The following PARN variants were observed in gnomAD, a reference collection of about 807,000 sequenced individuals.
PARN encodes poly(A)-specific ribonuclease.
In PARN, 71 loss-of-function variants were observed where a neutral mutation model predicts 102.8. The observed-to-expected ratio is 0.69, with a 90% CI of 0.57 to 0.84. PARN has a LOEUF of 0.84. Ranked by LOEUF, PARN falls within the 40% of genes least tolerant of loss-of-function variation. The pLI, the probability that PARN is intolerant of heterozygous loss-of-function variation, is 0.00. For missense variants in PARN, 782 were observed against 760.9 expected (o/e 1.03, Z -0.33); for synonymous variants, 261 against 252.9 (o/e 1.03, Z -0.30).
At chr16:14,487,742 C>T (rs766254011) in intron 21 of PARN, among the ~76,000 whole-genome samples, 1 of 151,932 alleles carries the variant, frequency 6.6e-6, no homozygotes, top group African/African-American at 2.4e-5. Flanking sequence ...GGGGCTGGAA[C>T]GGGAGAGGAA....
At chr16:14,623,924 C>T (rs1002939472) in intron 5 of PARN, among the ~76,000 whole-genome samples, 1 of 151,848 alleles carries the variant, frequency 6.6e-6, no homozygotes, top group Non-Finnish European at 1.5e-5. Flanking sequence ...TATAAAATAC[C>T]TTCTATGAAT....
intron 22 of PARN, 137 bp downstream of exon 22, chr16:14,482,501 A>T: frequency 1.7e-6 from 1 of 598,914 alleles, no homozygotes; most frequent in Non-Finnish European, 2.8e-6. Flanking sequence ...GGTCATAGTC[A>T]CTTCTGATAT....
At chr16:14,629,041 G>T (rs1370866718) in intron 2 of PARN, among the ~76,000 whole-genome samples, 1 of 152,092 alleles carries the variant, frequency 6.6e-6, no homozygotes, top group Non-Finnish European at 1.5e-5. Flanking sequence ...GTCACAAAAG[G>T]GCAAATATTG....
chr16:14,532,897 G>C (rs959504678), intron 21 of PARN, among the ~76,000 whole-genome samples: 18 of 151,708 alleles, frequency 1.2e-4, no homozygotes, highest in African/African-American at 4.4e-4. Flanking sequence ...CAGCTGGCCG[G>C]GAGAGGGGCT....
At chr16:14,484,769 G>A (rs533265652) in intron 21 of PARN, among the ~76,000 whole-genome samples, 6 of 152,172 alleles carry the variant, frequency 3.9e-5, no homozygotes, top group African/African-American at 1.2e-4. Flanking sequence ...AAAGGTTTCC[G>A]GAATGTCATG....
At chr16:14,545,561 T>G (rs1485100215) in intron 21 of PARN, among the ~76,000 whole-genome samples, 2 of 152,178 alleles carry the variant, frequency 1.3e-5, no homozygotes, top group African/African-American at 4.8e-5. Context: ...ATGCTTCTGT[T>G]AGAAAAGGAA....
chr16:14,571,534 T>G (rs1435640594), intron 18 of PARN, among the ~76,000 whole-genome samples: 1 of 152,156 alleles, frequency 6.6e-6, no homozygotes, highest in African/African-American at 2.4e-5. Context: ...TGGTCAAGGC[T>G]CAATAATTCA....
At chr16:14,585,167 T>G (rs1324603738) in intron 14 of PARN, among the ~76,000 whole-genome samples, 2 of 152,222 alleles carry the variant, frequency 1.3e-5, no homozygotes, top group Non-Finnish European at 2.9e-5. Context: ...CAAATACTGC[T>G]GCCGGTCTAC....
chr16:14,451,870 A>AAAAAAAAAAAAAAAC (rs1961468620), intron 22 of PARN, among the ~76,000 whole-genome samples: 1 of 16,954 alleles, frequency 5.9e-5, no homozygotes, highest in Non-Finnish European at 1.3e-4. Context: ...AAAAAAATAC[A>AAAAAAAAAAAAAAAC]AAAAAAAAAA....
intron 18 of PARN, among the ~76,000 whole-genome samples, chr16:14,578,882 C>T (rs1969328094): frequency 6.6e-6 from 1 of 152,064 alleles, no homozygotes; most frequent in African/African-American, 2.4e-5. Context: ...TGTCCCAATT[C>T]AAAATAAGCC....
At chr16:14,460,591 T>A (rs1185792575) in intron 22 of PARN, among the ~76,000 whole-genome samples, 1 of 152,198 alleles carries the variant, frequency 6.6e-6, no homozygotes, top group African/African-American at 2.4e-5. Context: ...CTTTAGAAAC[T>A]TTCGTCAAAA....
intron 22 of PARN, among the ~76,000 whole-genome samples, chr16:14,474,572 C>T (rs1249921118): frequency 6.6e-6 from 1 of 152,134 alleles, no homozygotes; most frequent in Non-Finnish European, 1.5e-5. Context: ...CCAGAAGGGA[C>T]GTCAGCATTC....
chr16:14,614,751 G>A (rs1971764631), intron 6 of PARN, among the ~76,000 whole-genome samples: 1 of 148,294 alleles, frequency 6.7e-6, no homozygotes, highest in Admixed American at 6.9e-5. Flanking sequence ...GGGAGGGTGA[G>A]GCAGGAGAAT....
chr16:14,563,858 A>G (rs1968262134), intron 18 of PARN, among the ~76,000 whole-genome samples: 1 of 152,178 alleles, frequency 6.6e-6, no homozygotes, highest in African/African-American at 2.4e-5. Context: ...CTGAGGAATT[A>G]TGAGTGGGAT....
chr16:14,501,456 A>AAAAAAAAAAAAAAAC, intron 21 of PARN: 1 of 144,422 alleles, frequency 6.9e-6, no homozygotes, highest in Admixed American at 7.0e-5. Flanking sequence ...AAAAAAAAAA[A>AAAAAAAAAAAAAAAC]AAAACAGAAA....
chr16:14,474,997 T>C (rs1962960314), intron 22 of PARN, among the ~76,000 whole-genome samples: 1 of 152,210 alleles, frequency 6.6e-6, no homozygotes, highest in African/African-American at 2.4e-5. Context: ...CCATGTGGAA[T>C]CCAAAAACCA....
intron 21 of PARN, among the ~76,000 whole-genome samples, chr16:14,509,915 GA>G (rs1965093798): frequency 6.6e-6 from 1 of 152,120 alleles, no homozygotes; most frequent in South Asian, 2.1e-4. Context: ...ACCAGAGTTG[GA>G]AAACAAAAAT....
intron 18 of PARN, among the ~76,000 whole-genome samples, chr16:14,560,718 T>C (rs1029022664): frequency 2.0e-5 from 3 of 152,224 alleles, no homozygotes; most frequent in Non-Finnish European, 4.4e-5. Context: ...CTCAATACAC[T>C]GGGTCACTTC....
chr16:14,553,959 T>C, intron 20 of PARN, 106 bp downstream of exon 20: 1 of 687,986 alleles, frequency 1.5e-6, no homozygotes, highest in Non-Finnish European at 2.5e-6. Flanking sequence ...AAACCTTGAA[T>C]ATTAACATTC....
Sources: gnomAD v4.1 joint callset for allele counts (sites outside exome capture counted in the v4.1 genomes callset) on GRCh38, gnomAD v4.1.1 for gene constraint, MANE v1.5 for transcripts, NCBI Gene and HGNC (gene_info 2026-07-23, HGNC 2026-07-21) for gene names.